The following BANK1 variants were observed in gnomAD, a reference collection of about 807,000 sequenced individuals.
BANK1 encodes the protein B cell scaffold protein with ankyrin repeats 1, also known as B-cell scaffold protein with ankyrin repeats.
Under a neutral mutation model 94.5 loss-of-function variants are expected in BANK1, and 95 were observed. That is an observed-to-expected ratio of 1.00 (90% CI 0.85 to 1.19). The LOEUF (loss-of-function observed/expected upper bound fraction) is 1.19. BANK1 is among the 50% of genes most tolerant of loss of function. The probability of loss-of-function intolerance (pLI) is 0.00; values close to 1 mark genes in which losing one functional copy is unlikely to be tolerated. For synonymous variants in BANK1, 334 were observed against 308.4 expected, an observed-to-expected ratio of 1.08 and a Z score of -0.87; for missense variants, 987 against 932.2, an observed-to-expected ratio of 1.06 and a Z score of -0.77.
At chr4:101,800,240 C>T (rs1054162275) in intron 1 of BANK1, among the ~76,000 whole-genome samples, 5 of 151,678 alleles carry the variant, frequency 3.3e-5, no homozygotes, top group Non-Finnish European at 5.9e-5. Context: ...TGTAACAAAC[C>T]TGCATGTTGT....
chr4:101,930,808 T>G (rs1000598309), intron 7 of BANK1, among the ~76,000 whole-genome samples: 2 of 151,456 alleles, frequency 1.3e-5, no homozygotes, highest in Non-Finnish European at 3.0e-5. Flanking sequence ...GGCACTAGAT[T>G]ACATCTAATA....
intron 7 of BANK1, among the ~76,000 whole-genome samples, chr4:101,993,444 G>A (rs190096546): frequency 1.5e-4 from 23 of 152,262 alleles, no homozygotes; most frequent in African/African-American, 5.5e-4. Context: ...AACAGCAAGA[G>A]GGAAGTACAG....
intron 5 of BANK1, among the ~76,000 whole-genome samples, chr4:101,874,151 A>G (rs1728401713): frequency 6.6e-6 from 1 of 152,140 alleles, no homozygotes; most frequent in Non-Finnish European, 1.5e-5. Context: ...TTTCATTTTC[A>G]TGTCAGGTAC....
intron 6 of BANK1, among the ~76,000 whole-genome samples, chr4:101,908,465 C>G (rs1259708789): frequency 6.6e-6 from 1 of 152,096 alleles, no homozygotes; most frequent in African/African-American, 2.4e-5. Flanking sequence ...AGAAGAAAAC[C>G]TAAGCAATAC....
chr4:101,998,035 C>T (rs1476291749), intron 7 of BANK1, among the ~76,000 whole-genome samples: 1 of 152,178 alleles, frequency 6.6e-6, no homozygotes, highest in Non-Finnish European at 1.5e-5. Flanking sequence ...ATCTTTCCCA[C>T]TTTCTCCTGT....
intron 1 of BANK1, chr4:101,813,888 C>T: frequency 1.0e-6 from 1 of 985,418 alleles, no homozygotes; most frequent in South Asian, 4.7e-5. Flanking sequence ...TACTTGCTTG[C>T]TGGTTTTGCT....
At chr4:102,041,643 G>A (rs564595409) in intron 10 of BANK1, among the ~76,000 whole-genome samples, 3 of 151,944 alleles carry the variant, frequency 2.0e-5, no homozygotes, top group Non-Finnish European at 2.9e-5. Context: ...CCTACTACAC[G>A]TCTGCTTTTA....
chr4:101,824,683 AT>A (rs1726298016), intron 1 of BANK1, among the ~76,000 whole-genome samples: 1 of 148,900 alleles, frequency 6.7e-6, no homozygotes, highest in Non-Finnish European at 1.5e-5. Context: ...TTTTTTTGTA[AT>A]TTTTGGCTTT....
Position 102,040,175 on chromosome 4 carries a change from G to T in BANK1, c.1901-3664G>T, listed in dbSNP as rs373336440. Among the ~76,000 whole-genome samples, 66 of 152,066 alleles carry T rather than the reference G, an allele frequency of 4.3e-4. No homozygotes were observed. In the South Asian group the frequency reaches 0.013, roughly 31 times the overall value. ...GCCTGGAAAGACAAGTAGTGCAAGT[G>T]AACTCATTAAATTTCACCTTCTCCT... On this transcript the variant is annotated intron_variant, in intron 10 of 16. Transcript: ENST00000322953.
intron 9 of BANK1, among the ~76,000 whole-genome samples, chr4:102,027,671 AAAAAAAAAAAAAAG>A (rs1727149608): frequency 6.0e-5 from 1 of 16,742 alleles, no homozygotes; most frequent in Non-Finnish European, 1.0e-4. Context: ...TTACTGAAGG[AAAAAAAAAAAAAAG>A]CCTTCTCCTC....
chr4:101,907,765 A>G (rs1490687639), intron 6 of BANK1, among the ~76,000 whole-genome samples: 1 of 152,216 alleles, frequency 6.6e-6, no homozygotes, highest in African/African-American at 2.4e-5. Context: ...CCAATAACAG[A>G]CAAACAGAGA....
intron 6 of BANK1, among the ~76,000 whole-genome samples, chr4:101,899,134 G>C (rs1214367901): frequency 6.6e-6 from 1 of 151,792 alleles, no homozygotes; most frequent in South Asian, 2.1e-4. Flanking sequence ...AAAATCAGAA[G>C]CTGTGAAGAA....
intron 5 of BANK1, among the ~76,000 whole-genome samples, chr4:101,872,524 A>T (rs1175054013): frequency 6.6e-6 from 1 of 152,148 alleles, no homozygotes; most frequent in Non-Finnish European, 1.5e-5. Context: ...TGAGAAGTTG[A>T]AAAGCACTTT....
chr4:101,838,455 T>C (rs1278968722), intron 2 of BANK1, among the ~76,000 whole-genome samples: 1 of 152,186 alleles, frequency 6.6e-6, no homozygotes, highest in Non-Finnish European at 1.5e-5. Flanking sequence ...TGATTTCCTC[T>C]TTATTTTTGC....
intron 6 of BANK1, among the ~76,000 whole-genome samples, chr4:101,905,267 G>A (rs1279350915): frequency 6.6e-6 from 1 of 152,174 alleles, no homozygotes; most frequent in Non-Finnish European, 1.5e-5. Flanking sequence ...CTCCTGTTGG[G>A]ACCTTTTGCG....
At chr4:102,011,963 T>C (rs1726526266) in intron 7 of BANK1, among the ~76,000 whole-genome samples, 1 of 152,136 alleles carries the variant, frequency 6.6e-6, no homozygotes, top group East Asian at 1.9e-4. Context: ...ATGAATGGAA[T>C]CTGGCAAACT....
rs534412154 is a variant in BANK1 at position 102,072,621 on chromosome 4, C to G, written c.2298+221C>G. Among the ~76,000 whole-genome samples the G allele has an allele frequency of 1.1e-3, 174 of 152,030 alleles. 1 individual carries two copies. Among genetic ancestry groups the G allele is most frequent in the African/African-American group, 3.9e-3 (161 of 41,476 alleles). ...ACTCAAAGGAAAAAGCCACTGAGGC[C>G]AAAGTGTGGCTAAATTCAACATGTA... On this transcript the variant is annotated intron_variant, in intron 15 of 16. Transcript: ENST00000322953.
chr4:101,963,130 C>T (rs1724628734), intron 7 of BANK1, among the ~76,000 whole-genome samples: 1 of 151,966 alleles, frequency 6.6e-6, no homozygotes, highest in Non-Finnish European at 1.5e-5. Context: ...TCACCAGTGC[C>T]ATACAATCTT....
Position 101,982,839 on chromosome 4 carries a change from G to A in BANK1, c.1207-38675G>A, listed in dbSNP as rs74509683. On this transcript the variant is annotated intron_variant, in intron 7 of 16. Coordinates refer to ENST00000322953, the MANE Select transcript of BANK1 (RefSeq NM_017935.5). The stretch of plus-strand genomic sequence containing the variant: ...CCCAACCAATGCATCAAGTTAAACC[G>A]GTTTTACATATTTAATAATTTTATT... 4.7e-3 allele frequency among the ~76,000 whole-genome samples: 705 copies of A among 151,356 alleles called. 13 individuals are homozygous for A. The East Asian group carries it at 0.056, about 12-fold the overall frequency.
Sources: gnomAD v4.1 joint callset for allele counts (sites outside exome capture counted in the v4.1 genomes callset) on GRCh38, gnomAD v4.1.1 for gene constraint, MANE v1.5 for transcripts, NCBI Gene and HGNC (gene_info 2026-07-23, HGNC 2026-07-21) for gene names.